TTLL11: variants seen among roughly 807,000 people sequenced by gnomAD.
The protein encoded by TTLL11 is tubulin tyrosine ligase like 11, also known as tubulin polyglutamylase TTLL11.
Under a neutral mutation model 51.7 loss-of-function variants are expected in TTLL11, and 42 were observed. That is an observed-to-expected ratio of 0.81 (90% CI 0.64 to 1.05). The LOEUF (loss-of-function observed/expected upper bound fraction) is 1.05, where lower values mean the gene tolerates loss of function less well. Among genes scored for constraint, TTLL11 ranks in the 50% least tolerant of loss-of-function variants. The pLI, the probability that TTLL11 is intolerant of heterozygous loss-of-function variation, is 0.00. For synonymous variants in TTLL11, 381 were observed against 383.5 expected (o/e 0.99, Z 0.08); for missense variants, 799 against 940.4 (o/e 0.85, Z 1.97).
intron 6 of TTLL11, among the ~76,000 whole-genome samples, chr9:121,964,964 C>T (rs1842358293): frequency 6.6e-6 from 1 of 152,110 alleles, no homozygotes; most frequent in Non-Finnish European, 1.5e-5. Flanking sequence ...GTCTTGCCAC[C>T]CCTACTGGCT....
At chr9:121,984,132 G>A (rs1842888748) in intron 4 of TTLL11, among the ~76,000 whole-genome samples, 1 of 152,164 alleles carries the variant, frequency 6.6e-6, no homozygotes, top group Non-Finnish European at 1.5e-5. Context: ...AGACTGCAGA[G>A]CTCAGGGAGG....
At chr9:121,976,629 T>C (rs7030869) in intron 4 of TTLL11, among the ~76,000 whole-genome samples, 42,414 of 152,132 alleles carry the variant, frequency 0.28, 6,502 homozygotes, top group Non-Finnish European at 0.32. Flanking sequence ...ATATAGAATA[T>C]GCATTAGTTA....
chr9:122,082,332 C>CATTTCA (rs1846020236), intron 1 of TTLL11, among the ~76,000 whole-genome samples: 1 of 151,970 alleles, frequency 6.6e-6, no homozygotes, highest in Non-Finnish European at 1.5e-5. Context: ...GGTGAAACCC[C>CATTTCA]GTCTCTACTG....
chr9:122,013,940 GAAGA>G (rs1843890836), intron 3 of TTLL11, among the ~76,000 whole-genome samples: 1 of 152,222 alleles, frequency 6.6e-6, no homozygotes, highest in Non-Finnish European at 1.5e-5. Context: ...CAAAAAATTA[GAAGA>G]AAGGGATCTT....
chr9:121,933,353 G>C (rs1841067635), intron 6 of TTLL11, among the ~76,000 whole-genome samples: 1 of 152,174 alleles, frequency 6.6e-6, no homozygotes, highest in South Asian at 2.1e-4. Flanking sequence ...CGGGTTTTCA[G>C]CACAAGAAAC....
chr9:122,020,908 C>T (rs1044692455), intron 3 of TTLL11, among the ~76,000 whole-genome samples: 1 of 152,224 alleles, frequency 6.6e-6, no homozygotes, highest in Non-Finnish European at 1.5e-5. Context: ...GTTTGTTATT[C>T]GTCACCCAGT....
chr9:121,921,285 C>T lies in TTLL11; in HGVS notation c.1482-50537G>A, dbSNP rs181298402. Among the ~76,000 whole-genome samples the T allele has an allele frequency of 3.4e-3, 512 of 152,146 alleles. 4 individuals carry two copies. The highest frequency in any genetic ancestry group is 0.012 in the African/African-American group (498 of 41,490). ...ACATGAGTTTCATGCCTGTTTTGTGCCAAGAAGTATTCATATCACAAGGCC... is the reference window on the plus strand; with the variant it reads ...ACATGAGTTTCATGCCTGTTTTGTGTCAAGAAGTATTCATATCACAAGGCC... On this transcript the variant is annotated intron_variant, in intron 6 of 8. Coordinates refer to ENST00000321582, the MANE Select transcript of TTLL11 (RefSeq NM_001139442.2).
intron 1 of TTLL11, among the ~76,000 whole-genome samples, chr9:122,086,244 A>G (rs1253711867): frequency 1.3e-5 from 2 of 152,186 alleles, no homozygotes; most frequent in African/African-American, 4.8e-5. Flanking sequence ...CTGTTTAAGG[A>G]GTTGGTGTGG....
chr9:122,003,941 C>T (rs141851443), intron 3 of TTLL11, among the ~76,000 whole-genome samples: 1,798 of 150,736 alleles, frequency 0.012, 31 homozygotes, highest in African/African-American at 0.041. Context: ...TAGTGAAACC[C>T]CGTCTCTACT....
rs547408355 is a variant in TTLL11 at position 122,002,944 on chromosome 9, C to CAAAAAAAAAAAAAAAAAAAAAAAA, written c.694-13175_694-13174insTTTTTTTTTTTTTTTTTTTTTTTT. On this transcript the variant is annotated intron_variant, in intron 3 of 8. Coordinates refer to ENST00000321582, the MANE Select transcript of TTLL11 (RefSeq NM_001139442.2). ...CTGGCAACAGAGTGAGACTCTGTCT[C>CAAAAAAAAAAAAAAAAAAAAAAAA]AAAAAAAAAAAAAAAAAAAAGAGAT... Among the ~76,000 whole-genome samples, 29 of 61,222 alleles carry CAAAAAAAAAAAAAAAAAAAAAAAA rather than the reference C, an allele frequency of 4.7e-4. 1 individual carries two copies. Among genetic ancestry groups the CAAAAAAAAAAAAAAAAAAAAAAAA allele is most frequent in the African/African-American group, 1.6e-3 (19 of 11,888 alleles). 40.2% of individuals were successfully genotyped at this position (61,222 alleles called of 152,430 possible). A position where few individuals can be genotyped will look rare whatever the true frequency, so the allele number is the denominator to read the frequency against.
intron 3 of TTLL11, among the ~76,000 whole-genome samples, chr9:122,010,311 T>C (rs1189978704): frequency 2.0e-5 from 3 of 152,122 alleles, no homozygotes; most frequent in Non-Finnish European, 2.9e-5. Context: ...AAAACGAAAA[T>C]ACATCTATTT....
At chr9:121,831,306 T>C (rs1298074514) in intron 8 of TTLL11, among the ~76,000 whole-genome samples, 2 of 152,228 alleles carry the variant, frequency 1.3e-5, no homozygotes, top group South Asian at 4.1e-4. Context: ...AACAGCAGCG[T>C]TGGGGCTTCT....
intron 1 of TTLL11, among the ~76,000 whole-genome samples, chr9:122,061,827 G>T (rs1845441120): frequency 6.6e-6 from 1 of 152,000 alleles, no homozygotes; most frequent in Non-Finnish European, 1.5e-5. Flanking sequence ...TAGTAGAGAT[G>T]GGGTTTCACC....
intron 1 of TTLL11, among the ~76,000 whole-genome samples, chr9:122,078,629 C>A (rs1845920426): frequency 6.6e-6 from 1 of 152,150 alleles, no homozygotes; most frequent in South Asian, 2.1e-4. Flanking sequence ...TCATTATGTA[C>A]TTGGCACTTT....
chr9:121,847,533 T>C (rs1173611820), intron 8 of TTLL11, among the ~76,000 whole-genome samples: 1 of 152,212 alleles, frequency 6.6e-6, no homozygotes, highest in African/African-American at 2.4e-5. Context: ...AATAAGTCTA[T>C]GTCTACAAAT....
At chr9:121,929,534 G>T (rs1223317102) in intron 6 of TTLL11, among the ~76,000 whole-genome samples, 2 of 152,206 alleles carry the variant, frequency 1.3e-5, no homozygotes, top group Non-Finnish European at 2.9e-5. Context: ...AACGGGATGG[G>T]GAAGGGTGGC....
At chr9:122,067,447 A>G (rs890584958) in intron 1 of TTLL11, among the ~76,000 whole-genome samples, 2 of 152,212 alleles carry the variant, frequency 1.3e-5, no homozygotes, top group Admixed American at 1.3e-4. Flanking sequence ...AAATCTGCCA[A>G]TATTACTGCT....
intron 3 of TTLL11, among the ~76,000 whole-genome samples, chr9:122,020,513 T>C (rs1426368908): frequency 6.6e-6 from 1 of 152,208 alleles, no homozygotes; most frequent in East Asian, 1.9e-4. Flanking sequence ...TGACTTAACC[T>C]CTCTGTACTT....
At chr9:121,946,895 GCCTA>G (rs1339259792) in intron 6 of TTLL11, among the ~76,000 whole-genome samples, 1 of 152,096 alleles carries the variant, frequency 6.6e-6, no homozygotes, top group East Asian at 1.9e-4. Flanking sequence ...TCCCCACTCA[GCCTA>G]CCCCCATTCA....
Sources: allele counts gnomAD v4.1 joint callset (sites outside exome capture counted in the v4.1 genomes callset), GRCh38; gene constraint gnomAD v4.1.1; transcripts MANE v1.5; gene names NCBI Gene and HGNC (gene_info 2026-07-23, HGNC 2026-07-21).